Variants in ZNF799 observed in about 807,000 individuals in gnomAD.
ZNF799 encodes the protein zinc finger protein 14.
A neutral mutation model predicts 41.0 loss-of-function variants in ZNF799; 28 were observed. The observed-to-expected ratio is 0.68, with a 90% CI of 0.51 to 0.94. The LOEUF (loss-of-function observed/expected upper bound fraction) is 0.94, where lower values mean the gene tolerates loss of function less well. Ranked by LOEUF, ZNF799 falls within the 40% of genes least tolerant of loss-of-function variation. ZNF799 has a pLI of 0.00. For missense variants in ZNF799, 716 were observed against 764.3 expected, an observed-to-expected ratio of 0.94 and a Z score of 0.74; for synonymous variants, 213 against 252.9, an observed-to-expected ratio of 0.84 and a Z score of 1.50.
rs1194858579 is a variant in ZNF799 at position 12,391,553 on chromosome 19, G to A, written c.845C>T (p.Thr282Ile). 8 of 1,613,948 alleles carry A rather than the reference G, an allele frequency of 5.0e-6. No individual in the cohort carries two copies. Among genetic ancestry groups the A allele is most frequent in the Non-Finnish European group, 6.8e-6 (8 of 1,179,978 alleles). Residue 282 changes from threonine to isoleucine, a missense_variant, in exon 4 of 4, where the codon ACA becomes ATA. Transcript: ENST00000430385. ...ERTHTGKKPY[T>I]CKQCGKAFSA... ...GAAGGCTTTCCCACATTGTTTACAT[G>A]TATAGGGTTTCTTTCCAGTGTGAGT...
chr19:12,401,006 C>A, intron 1 of ZNF799, 62 bp downstream of exon 1: 2 of 1,613,704 alleles, frequency 1.2e-6, no homozygotes, highest in South Asian at 1.1e-5. Flanking sequence ...CAGCCACAGC[C>A]GATTACTGCA....
the ZNF799 span, among the ~76,000 whole-genome samples, chr19:12,410,251 GTGCATATATATATATATA>G: frequency 1.1e-4 from 15 of 133,522 alleles, no homozygotes; most frequent in East Asian, 2.9e-3. Context: ...CAATGTCTGT[GTGCATATATATATATATA>G]TATATATATA....
the ZNF799 span, among the ~76,000 whole-genome samples, chr19:12,414,414 G>A: frequency 6.6e-6 from 1 of 152,188 alleles, no homozygotes; most frequent in African/African-American, 2.4e-5. Flanking sequence ...TCTTCCCCTG[G>A]ACAGATCACA....
chr19:12,393,330 T>G lies in ZNF799; in HGVS notation c.97A>C (p.Met33Leu), dbSNP rs1281853091. The G allele has an allele frequency of 9.9e-7, 1 of 1,012,136 alleles. No homozygotes were observed. Among genetic ancestry groups the G allele is most frequent in the Non-Finnish European group, 1.5e-6 (1 of 671,938 alleles). 62.7% of individuals were successfully genotyped at this position (1,012,136 alleles called of 1,614,324 possible). Residue 33 changes from methionine (M) to leucine (L), a missense_variant, in exon 2 of 4, where the codon ATG becomes CTG. Physicochemically the swap from Met to Leu is conservative, Grantham distance 15. Around this residue, in one of 2 missense-constraint regions of ZNF799, gnomAD observed 18 missense variants for 50.7 expected, o/e 0.36. Transcript: ENST00000430385. ...PCQKNLYKDV[M>L]QETIRNLDCV... ...TCCAGGTTCCTGATGGTTTCCTGCATCACATCTTTGTAGAGATTCTTCTGA... is the reference window on the plus strand; with the variant it reads ...TCCAGGTTCCTGATGGTTTCCTGCAGCACATCTTTGTAGAGATTCTTCTGA...
At chr19:12,414,603 A>C in the ZNF799 span, among the ~76,000 whole-genome samples, 1 of 152,190 alleles carries the variant, frequency 6.6e-6, no homozygotes, top group Admixed American at 6.5e-5. Flanking sequence ...CTCCCACCTT[A>C]TCTCTCAATC....
intron 1 of ZNF799, among the ~76,000 whole-genome samples, chr19:12,396,844 G>C: frequency 6.6e-6 from 1 of 151,880 alleles, no homozygotes; most frequent in Middle Eastern, 3.2e-3. Context: ...ATGTGTTACT[G>C]GTGTACTTGT....
chr19:12,407,926 G>A, the ZNF799 span, among the ~76,000 whole-genome samples: 1 of 152,260 alleles, frequency 6.6e-6, no homozygotes, highest in East Asian at 1.9e-4. Context: ...GGAGGCCAAG[G>A]TGGGAGGATT....
chr19:12,407,461 TAA>T, the ZNF799 span, among the ~76,000 whole-genome samples: 11 of 119,046 alleles, frequency 9.2e-5, no homozygotes, highest in African/African-American at 3.7e-4. Flanking sequence ...AGACCCTATC[TAA>T]AAAAAAAAAG....
At position 12,390,953 on chromosome 19, in the gene ZNF799, C is replaced by T; in HGVS notation, c.1445G>A (p.Gly482Glu). 1 of 1,614,112 alleles carries T rather than the reference C, an allele frequency of 6.2e-7. No homozygotes were observed. Among genetic ancestry groups the T allele is most frequent in the Non-Finnish European group, 8.5e-7 (1 of 1,179,994 alleles). Residue 482 changes from glycine (G) to glutamate (E), a missense_variant, in exon 4 of 4, where the codon GGG (glycine) becomes GAG (glutamate). By Grantham distance (98) the Gly-to-Glu change is moderately conservative (BLOSUM62 -2). Coordinates refer to ENST00000430385, the MANE Select transcript of ZNF799 (RefSeq NM_001080821.3). ...GEKPYECKEC[G>E]KAFSCFQYLS... ...GTATTGGAAACAACTGAATGCTTTC[C>T]CACATTCCTTACACTCATATGGCTT...
At chr19:12,408,536 T>C in the ZNF799 span, among the ~76,000 whole-genome samples, 1 of 152,106 alleles carries the variant, frequency 6.6e-6, no homozygotes, top group Non-Finnish European at 1.5e-5. Context: ...AAGACACAGA[T>C]ACATTAAATA....
chr19:12,409,992 C>T, the ZNF799 span, among the ~76,000 whole-genome samples: 1 of 151,768 alleles, frequency 6.6e-6, no homozygotes, highest in African/African-American at 2.4e-5. Flanking sequence ...ACTAAAAATA[C>T]AAAAAATTAT....
chr19:12,410,258 T>TGC, the ZNF799 span, among the ~76,000 whole-genome samples: 1 of 21,482 alleles, frequency 4.7e-5, no homozygotes, highest in South Asian at 2.7e-3. Flanking sequence ...TGTGTGCATA[T>TGC]ATATATATAT....
rs771322409 is a variant in ZNF799 at position 12,391,009 on chromosome 19, A to C, written c.1389T>G (p.Phe463Leu). The change falls in exon 4 of 4, where the codon TTT (phenylalanine) becomes TTG (leucine). Residue 463 changes from phenylalanine to leucine, a missense_variant. Physicochemically the swap from Phe to Leu is conservative, Grantham distance 22. This residue lies in a region of ZNF799 where 698 missense variants were observed against 713.6 expected (regional missense o/e 0.98). Coordinates refer to ENST00000430385, the MANE Select transcript of ZNF799 (RefSeq NM_001080821.3). ...CAGCATGAGTTGTTTTGTGATTTTG[A>C]AAGGAATAGAAATCAATAAAGGCTT... ...CGKAFIDFYS[F>L]QNHKTTHAGE... The C allele has an allele frequency of 1.1e-5, 17 of 1,614,046 alleles. No homozygotes were observed. The African/African-American group carries it at 2.3e-4, about 22-fold the overall frequency.
intron 1 of ZNF799, among the ~76,000 whole-genome samples, chr19:12,396,617 T>C (rs1233443937): frequency 6.6e-6 from 1 of 152,132 alleles, no homozygotes; most frequent in Non-Finnish European, 1.5e-5. Context: ...CCACTGCACT[T>C]CAGCCTGGGC....
At chr19:12,408,175 GA>G in the ZNF799 span, among the ~76,000 whole-genome samples, 3 of 150,740 alleles carry the variant, frequency 2.0e-5, no homozygotes, top group African/African-American at 7.4e-5. Flanking sequence ...TGTCTCAAAA[GA>G]AAAGAAAAGA....
At chr19:12,409,710 T>C in the ZNF799 span, among the ~76,000 whole-genome samples, 1 of 152,194 alleles carries the variant, frequency 6.6e-6, no homozygotes, top group African/African-American at 2.4e-5. Flanking sequence ...TCTAACCATA[T>C]TAGAATTAAT....
chr19:12,391,173 G>A lies in ZNF799; in HGVS notation c.1225C>T (p.Gln409Ter), dbSNP rs146942808. ...GCAGTGTGAGTCTTTTCATGCCTTT[G>A]AAATACACTGGGATAAACAAAGGCT... ...GKAFVYPSVF[Q>*]RHEKTHTAEK... The change falls in exon 4 of 4, where the codon CAA (glutamine) becomes TAA (stop). Residue 409 changes from glutamine to a stop codon, truncating the protein, a stop_gained. Transcript: ENST00000430385. LOFTEE classifies it high-confidence loss of function. The A allele has an allele frequency of 1.2e-6, 2 of 1,614,160 alleles. No homozygotes were observed. Among genetic ancestry groups the A allele is most frequent in the Non-Finnish European group, 1.7e-6 (2 of 1,180,004 alleles).
In ZNF799 at chr19:12,400,932, C is replaced by T. The variant is rs1969971956; in HGVS notation, c.3+136G>A. ...CCCAGCCCCACCCTGCGGCCGAGGG[C>T]CGACCTACGCCAGGGGAACCCGGGT... On this transcript the variant is annotated intron_variant, in intron 1 of 3. Transcript: ENST00000430385. 7.2e-6 allele frequency: 11 copies of T among 1,533,654 alleles called. No individual in the cohort carries two copies. The Admixed American group carries it at 1.9e-4, about 26-fold the overall frequency.
At chr19:12,409,135 G>A in the ZNF799 span, among the ~76,000 whole-genome samples, 1 of 152,094 alleles carries the variant, frequency 6.6e-6, no homozygotes, top group Non-Finnish European at 1.5e-5. Flanking sequence ...GCGCTGTAGG[G>A]GAATGGTTTC....
Sources: allele counts gnomAD v4.1 joint callset (sites outside exome capture counted in the v4.1 genomes callset), GRCh38; gene constraint gnomAD v4.1.1; regional missense constraint gnomAD v4.1.1; transcripts MANE v1.5; gene names NCBI Gene and HGNC (gene_info 2026-07-23, HGNC 2026-07-21).